Variants in CASP6 observed in about 807,000 individuals in gnomAD.
CASP6 encodes caspase-6.
A neutral mutation model predicts 31.8 loss-of-function variants in CASP6; 20 were observed. The ratio of observed to expected loss-of-function variants is 0.63; its 90% CI spans 0.44 to 0.91. The LOEUF (loss-of-function observed/expected upper bound fraction) is 0.91, where lower values mean the gene tolerates loss of function less well. Among genes scored for constraint, CASP6 ranks in the 40% least tolerant of loss-of-function variants. The pLI is 0.00. For missense variants in CASP6, 328 were observed against 361.1 expected, an observed-to-expected ratio of 0.91 and a Z score of 0.74; for synonymous variants, 130 against 127.8, an observed-to-expected ratio of 1.02 and a Z score of -0.12.
chr4:109,676,585 A>G, the CASP6 span, among the ~76,000 whole-genome samples: 1 of 152,176 alleles, frequency 6.6e-6, no homozygotes, highest in Non-Finnish European at 1.5e-5. Flanking sequence ...GCCTTTGCCC[A>G]TTACCAAATT....
chr4:109,671,451 G>A, the CASP6 span, among the ~76,000 whole-genome samples: 1 of 151,992 alleles, frequency 6.6e-6, no homozygotes, highest in Non-Finnish European at 1.5e-5. Flanking sequence ...GTTTGAGAAA[G>A]TTTCTGTTGG....
chr4:109,679,594 C>T, the CASP6 span, among the ~76,000 whole-genome samples: 1 of 152,136 alleles, frequency 6.6e-6, no homozygotes, highest in African/African-American at 2.4e-5. Context: ...TACAGTCCAG[C>T]CTCGGCAAGA....
chr4:109,696,946 C>T (rs975705591), intron 3 of CASP6, among the ~76,000 whole-genome samples: 8 of 152,024 alleles, frequency 5.3e-5, no homozygotes, highest in South Asian at 2.1e-4. Flanking sequence ...CCACCACGCC[C>T]GGCTAATTTT....
rs565017612 is a variant in CASP6, at chr4:109,689,247, C to T, written c.*83G>A. On this transcript the variant is annotated 3_prime_UTR_variant, in exon 7 of 7. Transcript: ENST00000265164. Reference sequence around the variant, plus strand: ...CCGCCCACCTTGGACTCCCAAAGTGCTGGGATTACAGGTGTGAGTAACCAC... The same window carrying T: ...CCGCCCACCTTGGACTCCCAAAGTGTTGGGATTACAGGTGTGAGTAACCAC... 139 of 1,315,098 alleles carry T rather than the reference C, an allele frequency of 1.1e-4. No homozygotes were observed. In the African/African-American group the frequency reaches 1.9e-3, roughly 18 times the overall value. The allele number at this position is 1,315,098 out of a possible 1,614,324, so 81.5% of individuals were successfully genotyped here. A position where few individuals can be genotyped will look rare whatever the true frequency, so the allele number is the denominator to read the frequency against.
the CASP6 span, among the ~76,000 whole-genome samples, chr4:109,665,492 C>T: frequency 6.6e-6 from 1 of 151,976 alleles, no homozygotes; most frequent in Non-Finnish European, 1.5e-5. Flanking sequence ...CAAACTCTAC[C>T]AAACTCTACC....
intron 2 of CASP6, among the ~76,000 whole-genome samples, chr4:109,698,057 A>G (rs544581267): frequency 2.6e-4 from 39 of 152,308 alleles, no homozygotes; most frequent in African/African-American, 9.4e-4. Context: ...CGAGGCTCAG[A>G]ACCAAGTTCT....
At chr4:109,704,808 G>A (rs191778029), upstream of CASP6, among the ~76,000 whole-genome samples, 1 of 152,284 alleles carries the variant, frequency 6.6e-6, no homozygotes, top group African/African-American at 2.4e-5. Flanking sequence ...GGGTTCAAAC[G>A]ATTCTTCTGC....
At chr4:109,686,378 A>G (rs1729836642), downstream of CASP6, among the ~76,000 whole-genome samples, 1 of 152,204 alleles carries the variant, frequency 6.6e-6, no homozygotes, top group South Asian at 2.1e-4. Context: ...ACCTCAAGTG[A>G]TCCACCTGCC....
chr4:109,670,323 GTTGGGTTTTT>G, the CASP6 span, among the ~76,000 whole-genome samples: 4,941 of 152,206 alleles, frequency 0.032, 268 homozygotes, highest in African/African-American at 0.11. Flanking sequence ...GGTTGCTGAA[GTTGGGTTTTT>G]CTTTTCCCCT....
At chr4:109,700,991 C>T (rs912242752) in intron 1 of CASP6, among the ~76,000 whole-genome samples, 3 of 152,174 alleles carry the variant, frequency 2.0e-5, no homozygotes, top group African/African-American at 7.2e-5. Flanking sequence ...TGGAGTCTTG[C>T]TCTGTTGCCT....
chr4:109,680,067 G>A, the CASP6 span, among the ~76,000 whole-genome samples: 1 of 152,148 alleles, frequency 6.6e-6, no homozygotes, highest in South Asian at 2.1e-4. Context: ...CTCCCAAAGT[G>A]CTGGTATTAC....
chr4:109,673,789 C>T, the CASP6 span: 31 of 628,658 alleles, frequency 4.9e-5, 1 homozygote, highest in African/African-American at 2.0e-4. Context: ...GATCAGAAGC[C>T]GGTTGGCGGG....
rs774000583 is a variant in CASP6 at position 109,696,403 on chromosome 4, T to C, written c.307+7A>G. 2 of 1,605,670 alleles carry C rather than the reference T, an allele frequency of 1.2e-6. No individual in the cohort carries two copies. Among genetic ancestry groups the C allele is most frequent in the Non-Finnish European group, 1.7e-6 (2 of 1,173,810 alleles). ...AAGATGAACTATATGATAGCAAAACTACCTACCCTCATGAATTTTGAGCAG... is the reference window on the plus strand; with the variant it reads ...AAGATGAACTATATGATAGCAAAACCACCTACCCTCATGAATTTTGAGCAG... On this transcript the variant is annotated splice_region_variant and intron_variant, in intron 4 of 6. Coordinates refer to ENST00000265164, the MANE Select transcript of CASP6 (RefSeq NM_001226.4).
In CASP6 at chr4:109,699,030, C is replaced by A. The variant is rs986613424; in HGVS notation, c.41-688G>T. Among the ~76,000 whole-genome samples the A allele has an allele frequency of 2.0e-5, 3 of 152,194 alleles. No homozygotes were observed. In the South Asian group the frequency reaches 6.2e-4, roughly 32 times the overall value. ...GTATTTGCACTGTCTCATAAGGTAG[C>A]CACTGGCCACATGTGTCTACTGAGC... On this transcript the variant is annotated intron_variant, in intron 1 of 6. Coordinates refer to ENST00000265164, the MANE Select transcript of CASP6 (RefSeq NM_001226.4).
Position 109,690,236 on chromosome 4 carries a change from T to TC in CASP6, c.643+613_643+614insG, listed in dbSNP as rs1561256989. Reference sequence around the variant, plus strand: ...ACGTCTGGGCAACAGAGTGAGACTATAAAAAAAAAAAACGCACGCACGCAC... The same window carrying TC: ...ACGTCTGGGCAACAGAGTGAGACTATCAAAAAAAAAAAACGCACGCACGCAC... On this transcript the variant is annotated intron_variant, in intron 6 of 6. Transcript: ENST00000265164. 1.1e-4 allele frequency among the ~76,000 whole-genome samples: 5 copies of TC among 46,396 alleles called. No homozygotes were observed. In the East Asian group the frequency reaches 2.3e-3, roughly 21 times the overall value. 30.4% of individuals were successfully genotyped at this position (46,396 alleles called of 152,430 possible). A position where few individuals can be genotyped will look rare whatever the true frequency, so the allele number is the denominator to read the frequency against.
At position 109,689,556 on chromosome 4, in the gene CASP6, T is replaced by A; in HGVS notation, c.656A>T (p.His219Leu). 1 of 1,614,058 alleles carries A rather than the reference T, an allele frequency of 6.2e-7. No homozygotes were observed. Among genetic ancestry groups the A allele is most frequent in the Non-Finnish European group, 8.5e-7 (1 of 1,179,934 alleles). Residue 219 changes from histidine (H) to leucine (L), a missense_variant, in exon 7 of 7, where the codon CAC becomes CTC. By Grantham distance (99) the His-to-Leu change is moderately conservative. Transcript: ENST00000265164. Reference protein sequence around the residue: ...CYSVAEGYYSHRETVNGSWYI... With the variant: ...CYSVAEGYYSLRETVNGSWYI... ...CCATGAGCCGTTCACAGTTTCCCGG[T>A]GAGAATAATATCCTAAAAAAGTGAG...
At chr4:109,664,421 AC>A in the CASP6 span, 2 of 745,442 alleles carry the variant, frequency 2.7e-6, no homozygotes, top group Non-Finnish European at 2.0e-6. Flanking sequence ...TCCAACTATT[AC>A]TTTTTTTTTT....
At chr4:109,685,139 T>C, downstream of CASP6, 1 of 610,580 alleles carries the variant, frequency 1.6e-6, no homozygotes, top group Non-Finnish European at 2.9e-6. Flanking sequence ...AATATTTCAC[T>C]CATTCATCTG....
At chr4:109,706,001 AATATATATATATAT>A (rs58700813), upstream of CASP6, among the ~76,000 whole-genome samples, 14 of 31,676 alleles carry the variant, frequency 4.4e-4, no homozygotes, top group East Asian at 3.4e-3. Context: ...AAAAAAAAAA[AATATATATATATAT>A]ATATATATAT....
Sources: gnomAD v4.1 joint callset for allele counts (sites outside exome capture counted in the v4.1 genomes callset) on GRCh38, gnomAD v4.1.1 for gene constraint, MANE v1.5 for transcripts, NCBI Gene and HGNC (gene_info 2026-07-23, HGNC 2026-07-21) for gene names.